TEX22: variants seen among roughly 807,000 people sequenced by gnomAD.
TEX22 encodes the protein testis expressed 22.
In TEX22, 16 loss-of-function variants were observed where a neutral mutation model predicts 11.3. The ratio of observed to expected loss-of-function variants is 1.42; its 90% CI spans 0.96 to 2.15. The LOEUF (loss-of-function observed/expected upper bound fraction) is 2.15. Among genes scored for constraint, TEX22 ranks in the 30% most tolerant of loss-of-function variants. The pLI is 0.00. For synonymous variants in TEX22, 97 were observed against 92.3 expected (o/e 1.05, Z -0.29); for missense variants, 220 against 208.6 (o/e 1.05, Z -0.34).
rs2081706700 is a variant in TEX22 at position 105,413,394 on chromosome 14, G to A, written c.*1561G>A. On this transcript the variant is annotated 3_prime_UTR_variant, in exon 4 of 4. Transcript: ENST00000451127. This position sits in a 1 kb window ranked among gnomAD's most constrained non-coding sequence, Gnocchi z 4.2. ...GCAGAGCGGAGCTGACAGGTAAGCA[G>A]TTGCCATGGGGGTGATGAGCTGGGC... The A allele has an allele frequency of 6.6e-6, 1 of 152,398 alleles. No homozygotes were observed. The highest frequency in any genetic ancestry group is 2.4e-5 in the African/African-American group (1 of 41,434). The allele number at this position is 152,398 out of a possible 1,614,324, so 9.4% of individuals were successfully genotyped here.
chr14:105,400,608 A>T (rs1162355018), intron 2 of TEX22, among the ~76,000 whole-genome samples: 1 of 152,080 alleles, frequency 6.6e-6, no homozygotes, highest in Non-Finnish European at 1.5e-5. Context: ...ACAGGGACCC[A>T]GTGGCTCTTG....
intron 2 of TEX22, among the ~76,000 whole-genome samples, chr14:105,405,019 G>C (rs587733006): frequency 2.8e-4 from 43 of 152,272 alleles, no homozygotes; most frequent in African/African-American, 4.8e-4. Flanking sequence ...GAAGAGGAGG[G>C]GGGTGGGCCA....
At chr14:105,402,478 GGTGT>G (rs2081632833) in intron 2 of TEX22, among the ~76,000 whole-genome samples, 1 of 152,154 alleles carries the variant, frequency 6.6e-6, no homozygotes, top group Non-Finnish European at 1.5e-5. Context: ...TTATTGGCCG[GGTGT>G]GGTGGCTCAC....
At chr14:105,407,498 G>A (rs1322251204) in intron 2 of TEX22, among the ~76,000 whole-genome samples, 2 of 151,838 alleles carry the variant, frequency 1.3e-5, no homozygotes, top group African/African-American at 2.4e-5. Flanking sequence ...TCAGCCTCCC[G>A]AATAGCTGGG....
chr14:105,402,486 G>A (rs1032640583), intron 2 of TEX22, among the ~76,000 whole-genome samples: 8 of 152,224 alleles, frequency 5.3e-5, no homozygotes, highest in East Asian at 1.9e-4. Flanking sequence ...CGGGTGTGGT[G>A]GCTCACGCCT....
At chr14:105,401,212 AT>A (rs1267862640) in intron 2 of TEX22, among the ~76,000 whole-genome samples, 1 of 152,196 alleles carries the variant, frequency 6.6e-6, no homozygotes, top group Non-Finnish European at 1.5e-5. Flanking sequence ...TGCTCAATGA[AT>A]GTATATGGAA....
intron 1 of TEX22, 150 bp from the exon 2 acceptor site, chr14:105,399,152 C>CA: frequency 1.7e-6 from 1 of 591,160 alleles, no homozygotes; most frequent in Non-Finnish European, 3.0e-6. Context: ...CCACTCCACC[C>CA]AGAGGGGTCA....
intron 2 of TEX22, among the ~76,000 whole-genome samples, chr14:105,409,501 C>CT (rs1232769820): frequency 0.015 from 2,005 of 132,538 alleles, 46 homozygotes; most frequent in African/African-American, 0.046. Context: ...TCTTCTTCTT[C>CT]TTTTTTTTTT....
At position 105,411,390 on chromosome 14, in the gene TEX22, G is replaced by A; in HGVS notation, c.173G>A (p.Arg58Lys). The A allele has an allele frequency of 1.5e-6, 2 of 1,322,966 alleles. No individual in the cohort carries two copies. Among genetic ancestry groups the A allele is most frequent in the Non-Finnish European group, 1.9e-6 (2 of 1,036,692 alleles). 82.0% of individuals were successfully genotyped at this position (1,322,966 alleles called of 1,614,324 possible). A position where few individuals can be genotyped will look rare whatever the true frequency, so the allele number is the denominator to read the frequency against. The change falls in exon 3 of 4, where the codon AGG becomes AAG. Residue 58 changes from arginine to lysine, a missense_variant. By Grantham distance (26) the Arg-to-Lys change is conservative. Transcript: ENST00000451127. ...QDWVCEPPER[R>K]RPGRRWSVSI... ...CAGGTGTGCGAGCCGCCGGAACGCA[G>A]GCGCCCGGGCCGCCGCTGGAGCGTC...
chr14:105,409,732 T>G (rs1595222823), intron 2 of TEX22, among the ~76,000 whole-genome samples: 1 of 147,286 alleles, frequency 6.8e-6, no homozygotes, highest in African/African-American at 2.4e-5. Context: ...TCATTCTTTC[T>G]TTCGTTCTTT....
chr14:105,411,576 C>G, intron 3 of TEX22, 80 bp downstream of exon 3: 2 of 1,416,638 alleles, frequency 1.4e-6, no homozygotes, highest in African/African-American at 1.5e-5. Flanking sequence ...CTCAGTCCCA[C>G]TGGGCCCTTT....
intron 2 of TEX22, among the ~76,000 whole-genome samples, chr14:105,400,197 C>T (rs1222873838): frequency 1.3e-5 from 2 of 152,168 alleles, no homozygotes; most frequent in Non-Finnish European, 2.9e-5. Flanking sequence ...TGGCAGCTGG[C>T]GCTGGTCATG....
intron 2 of TEX22, among the ~76,000 whole-genome samples, chr14:105,404,441 G>A (rs2141358298): frequency 6.6e-6 from 1 of 152,330 alleles, no homozygotes; most frequent in East Asian, 1.9e-4. Context: ...GGACGACACA[G>A]GGGCATGGAT....
At chr14:105,401,125 C>G (rs782605843) in intron 2 of TEX22, among the ~76,000 whole-genome samples, 2 of 152,234 alleles carry the variant, frequency 1.3e-5, no homozygotes, top group Non-Finnish European at 2.9e-5. Flanking sequence ...TGCACACTTC[C>G]GCCTGCCAGG....
At chr14:105,400,504 G>T (rs1179923536) in intron 2 of TEX22, among the ~76,000 whole-genome samples, 2 of 152,168 alleles carry the variant, frequency 1.3e-5, no homozygotes, top group Admixed American at 1.3e-4. Flanking sequence ...TGAGGCTTCT[G>T]TCCTGCACAG....
In TEX22 at chr14:105,399,302, A is replaced by T; in HGVS notation, c.-39A>T. The T allele has an allele frequency of 7.1e-7, 1 of 1,402,890 alleles. No homozygotes were observed. Among genetic ancestry groups the T allele is most frequent in the Non-Finnish European group, 9.5e-7 (1 of 1,053,828 alleles). 86.9% of individuals were successfully genotyped at this position (1,402,890 alleles called of 1,614,324 possible). A position where few individuals can be genotyped will look rare whatever the true frequency, so the allele number is the denominator to read the frequency against. On this transcript the variant is annotated splice_region_variant and 5_prime_UTR_variant, in exon 2 of 4. Coordinates refer to ENST00000451127, the MANE Select transcript of TEX22 (RefSeq NM_001195082.2). Reference sequence around the variant, plus strand: ...CACCTCCCCCTGCTCCTACCCCCAGATCTCAGAGGTGTGGACAAGCAGCCT... The same window carrying T: ...CACCTCCCCCTGCTCCTACCCCCAGTTCTCAGAGGTGTGGACAAGCAGCCT...
At chr14:105,407,156 C>T (rs1422472661) in intron 2 of TEX22, among the ~76,000 whole-genome samples, 2 of 151,336 alleles carry the variant, frequency 1.3e-5, no homozygotes, top group East Asian at 3.9e-4. Flanking sequence ...CAGCCTCCAC[C>T]TCTTGGGTTC....
intron 2 of TEX22, among the ~76,000 whole-genome samples, chr14:105,399,912 A>G (rs1201524566): frequency 1.3e-5 from 2 of 152,250 alleles, no homozygotes; most frequent in African/African-American, 4.8e-5. Context: ...AAAGTTGACC[A>G]AAACAAAATA....
chr14:105,405,115 C>G (rs973918828), intron 2 of TEX22, among the ~76,000 whole-genome samples: 17 of 151,936 alleles, frequency 1.1e-4, no homozygotes, highest in African/African-American at 3.9e-4. Flanking sequence ...TGGCAAAACC[C>G]CATCTCTATA....
Sources: gnomAD v4.1 joint callset for allele counts (sites outside exome capture counted in the v4.1 genomes callset) on GRCh38, gnomAD v4.1.1 for gene constraint, Gnocchi (gnomAD v3.1) non-coding constraint, MANE v1.5 for transcripts, NCBI Gene and HGNC (gene_info 2026-07-23, HGNC 2026-07-21) for gene names.